The following ZBTB20 variants were observed in gnomAD, a reference collection of about 807,000 sequenced individuals.
The protein encoded by ZBTB20 is zinc finger and BTB domain containing 20, also known as zinc finger and BTB domain-containing protein 20.
Under a neutral mutation model 56.9 loss-of-function variants are expected in ZBTB20, and 9 were observed. The ratio of observed to expected loss-of-function variants is 0.16; its 90% CI spans 0.10 to 0.28. ZBTB20 has a LOEUF of 0.28. Among genes scored for constraint, ZBTB20 ranks in the 10% least tolerant of loss-of-function variants. ZBTB20 has a pLI of 1.00. For missense variants in ZBTB20, 655 were observed against 1,003.0 expected (o/e 0.65, Z 4.69); for synonymous variants, 417 against 420.7 (o/e 0.99, Z 0.11).
rs992205099 is a variant in ZBTB20 at position 114,847,240 on chromosome 3, C to T, written c.-416-46066G>A. On this transcript the variant is annotated intron_variant, in intron 4 of 11. Transcript: ENST00000675478. Reference sequence around the variant, plus strand: ...TGGAAGAAAGTCACTCCAGGGATACCGTCATTACTTCAGATTTGGGACCTT... The same window carrying T: ...TGGAAGAAAGTCACTCCAGGGATACTGTCATTACTTCAGATTTGGGACCTT... Among the ~76,000 whole-genome samples, 5 of 151,584 alleles carry T rather than the reference C, an allele frequency of 3.3e-5. No homozygotes were observed. The East Asian group carries it at 5.8e-4, about 18-fold the overall frequency.
At chr3:114,892,340 G>A (rs768322309) in intron 4 of ZBTB20, among the ~76,000 whole-genome samples, 14 of 152,150 alleles carry the variant, frequency 9.2e-5, no homozygotes, top group Non-Finnish European at 1.9e-4. Flanking sequence ...TAAATTTGGT[G>A]CATTCATTTA....
At chr3:114,608,009 T>C (rs1381370313) in intron 6 of ZBTB20, among the ~76,000 whole-genome samples, 1 of 152,204 alleles carries the variant, frequency 6.6e-6, no homozygotes, top group Non-Finnish European at 1.5e-5. Flanking sequence ...TAAGGTAACA[T>C]AGCTCTGTGT....
chr3:114,672,970 C>T (rs1378803701), intron 6 of ZBTB20, among the ~76,000 whole-genome samples: 2 of 152,138 alleles, frequency 1.3e-5, no homozygotes, highest in African/African-American at 2.4e-5. Flanking sequence ...TTCTTGGAAT[C>T]TGAATTTTAA....
In ZBTB20 at chr3:115,092,587, C is replaced by T. The variant is rs374815944; in HGVS notation, c.-702-21173G>A. On this transcript the variant is annotated intron_variant, in intron 1 of 11. Transcript: ENST00000675478. The stretch of plus-strand genomic sequence containing the variant: ...AAATGTCCAAAGGCATAGAGTGCAG[C>T]TTTGCCATTAGGAAGTCAGAAGTGA... Among the ~76,000 whole-genome samples, 9 of 152,140 alleles carry T rather than the reference C, an allele frequency of 5.9e-5. No individual in the cohort carries two copies. In the East Asian group the frequency reaches 1.5e-3, roughly 26 times the overall value.
chr3:114,689,578 T>C (rs1362598580), intron 6 of ZBTB20, among the ~76,000 whole-genome samples: 3 of 152,062 alleles, frequency 2.0e-5, no homozygotes, highest in African/African-American at 7.2e-5. Context: ...TAAGGAAACC[T>C]GAAGCAAGAG....
At chr3:114,504,147 G>GT (rs1459809941) in intron 6 of ZBTB20, among the ~76,000 whole-genome samples, 8 of 152,160 alleles carry the variant, frequency 5.3e-5, no homozygotes, top group African/African-American at 1.9e-4. Flanking sequence ...TTCTAAGTGG[G>GT]TAAGGGTATG....
intron 4 of ZBTB20, among the ~76,000 whole-genome samples, chr3:114,860,597 A>G (rs2075479909): frequency 6.6e-6 from 1 of 152,220 alleles, no homozygotes; most frequent in African/African-American, 2.4e-5. Context: ...CAGTTAAACC[A>G]AAGGGTAGGA....
chr3:115,022,490 G>C (rs779278583), intron 2 of ZBTB20, among the ~76,000 whole-genome samples: 6 of 150,814 alleles, frequency 4.0e-5, no homozygotes, highest in Non-Finnish European at 8.9e-5. Context: ...TTTAATTTTC[G>C]TTGCTTTTTA....
chr3:114,342,557 T>C (rs905286047), intron 11 of ZBTB20, among the ~76,000 whole-genome samples: 5 of 152,220 alleles, frequency 3.3e-5, no homozygotes, highest in Non-Finnish European at 7.3e-5. Flanking sequence ...GGGCATGTCA[T>C]TTAACCTCTA....
intron 8 of ZBTB20, among the ~76,000 whole-genome samples, chr3:114,384,086 C>T (rs2084736731): frequency 6.7e-6 from 1 of 148,224 alleles, no homozygotes; most frequent in Admixed American, 6.7e-5. Flanking sequence ...CAGTCTCTTT[C>T]TTTTCAGTTC....
At chr3:114,811,990 G>C (rs1293025869) in intron 4 of ZBTB20, among the ~76,000 whole-genome samples, 1 of 152,236 alleles carries the variant, frequency 6.6e-6, no homozygotes, top group Non-Finnish European at 1.5e-5. Flanking sequence ...TGTGTTCGGA[G>C]TTTCTGCCTT....
chr3:115,092,139 T>C (rs987120779), intron 1 of ZBTB20, among the ~76,000 whole-genome samples: 1 of 152,170 alleles, frequency 6.6e-6, no homozygotes, highest in Non-Finnish European at 1.5e-5. Flanking sequence ...ATCCTAACTT[T>C]TTCTTGGGTA....
At chr3:114,748,879 T>A (rs1438391597) in intron 5 of ZBTB20, among the ~76,000 whole-genome samples, 1 of 152,198 alleles carries the variant, frequency 6.6e-6, no homozygotes, top group East Asian at 1.9e-4. Flanking sequence ...GATGGAGGCA[T>A]TTAAAATGCT....
At chr3:114,454,565 C>T (rs1020350779) in intron 7 of ZBTB20, 16 of 151,656 alleles carry the variant, frequency 1.1e-4, no homozygotes, top group African/African-American at 2.9e-4. Flanking sequence ...TAAGGGGTAG[C>T]GAACATCTCA....
At chr3:114,540,077 C>T (rs890819309) in intron 6 of ZBTB20, among the ~76,000 whole-genome samples, 3 of 151,886 alleles carry the variant, frequency 2.0e-5, no homozygotes, top group Non-Finnish European at 4.4e-5. Flanking sequence ...CTCCATGCTC[C>T]GAAAGGCCCC....
At chr3:115,067,073 A>C (rs2082233706) in intron 2 of ZBTB20, among the ~76,000 whole-genome samples, 1 of 152,076 alleles carries the variant, frequency 6.6e-6, no homozygotes, top group African/African-American at 2.4e-5. Context: ...TTAGACTCTT[A>C]TCATGTGAAA....
At chr3:114,845,594 A>G (rs667926) in intron 4 of ZBTB20, among the ~76,000 whole-genome samples, 1 of 151,806 alleles carries the variant, frequency 6.6e-6, no homozygotes, top group Non-Finnish European at 1.5e-5. Flanking sequence ...AATTGTGCCA[A>G]TTGTAAATAA....
intron 5 of ZBTB20, among the ~76,000 whole-genome samples, chr3:114,757,102 T>C (rs1339129760): frequency 6.6e-6 from 1 of 152,156 alleles, no homozygotes; most frequent in Non-Finnish European, 1.5e-5. Flanking sequence ...AACTCATTTG[T>C]AGACAGCCCA....
At chr3:114,877,265 G>A (rs933364676) in intron 4 of ZBTB20, among the ~76,000 whole-genome samples, 1 of 152,180 alleles carries the variant, frequency 6.6e-6, no homozygotes, top group African/African-American at 2.4e-5. Flanking sequence ...ACTAGGCATT[G>A]TGCTAAACAC....
Sources: allele counts gnomAD v4.1 joint callset (sites outside exome capture counted in the v4.1 genomes callset), GRCh38; gene constraint gnomAD v4.1.1; transcripts MANE v1.5; gene names NCBI Gene and HGNC (gene_info 2026-07-23, HGNC 2026-07-21).